The following STK35 variants were observed in gnomAD, a reference collection of about 807,000 sequenced individuals.
STK35 encodes serine/threonine kinase 35.
STK35 carries 17 observed loss-of-function variants against 37.3 expected under a neutral mutation model. That is an observed-to-expected ratio of 0.46 (90% confidence interval 0.31 to 0.68). The LOEUF is 0.68. Ranked by LOEUF, STK35 falls within the 30% of genes least tolerant of loss-of-function variation. The probability of loss-of-function intolerance (pLI) is 0.05; values close to 1 mark genes in which losing one functional copy is unlikely to be tolerated. For synonymous variants in STK35, 385 were observed against 319.1 expected (o/e 1.21, Z -2.20); for missense variants, 595 against 746.7 (o/e 0.80, Z 2.37).
At chr20:2,112,981 C>T (rs556892824) in intron 2 of STK35, among the ~76,000 whole-genome samples, 4 of 152,148 alleles carry the variant, frequency 2.6e-5, no homozygotes, top group African/African-American at 9.7e-5. Context: ...TGGGGAAATA[C>T]CCGCAGTTGT....
chr20:2,103,224 C>T lies in STK35; in HGVS notation c.751C>T (p.Leu251Phe). 1 of 1,612,536 alleles carries T rather than the reference C, an allele frequency of 6.2e-7. No individual in the cohort carries two copies. The change falls in exon 2 of 4, where the codon CTC (leucine) becomes TTC (phenylalanine). Residue 251 changes from leucine to phenylalanine, a missense_variant. Physicochemically the swap from Leu to Phe is conservative, Grantham distance 22. Transcript: ENST00000381482. ...GCTGGCGCTGGCTGAATTCTGGGCC[C>T]TCACCAGCCTCAAGCGGCGCCACCA... ...VELALAEFWA[L>F]TSLKRRHQNV...
At chr20:2,139,980 G>GACTATCATAGT (rs1986146852) in intron 3 of STK35, among the ~76,000 whole-genome samples, 1 of 152,232 alleles carries the variant, frequency 6.6e-6, no homozygotes, top group Non-Finnish European at 1.5e-5. Context: ...ACTGATTGAA[G>GACTATCATAGT]ACTATCATAG....
intron 3 of STK35, among the ~76,000 whole-genome samples, chr20:2,135,271 A>C (rs2122581600): frequency 6.6e-6 from 1 of 152,260 alleles, no homozygotes; most frequent in African/African-American, 2.4e-5. Flanking sequence ...CTTCCTCTGG[A>C]TACACTTAAG....
rs753792518 is a variant in STK35, at chr20:2,102,761, C to T, written c.295-7C>T. On this transcript the variant is annotated splice_polypyrimidine_tract_variant and splice_region_variant and intron_variant, in intron 1 of 3. Transcript: ENST00000381482. Reference sequence around the variant, plus strand: ...CCTGGCCGTTTAACCGATTCTTTCGCCCGCAGGTCACAATCCAAGGTCCGG... The same window carrying T: ...CCTGGCCGTTTAACCGATTCTTTCGTCCGCAGGTCACAATCCAAGGTCCGG... 13 of 1,426,736 alleles carry T rather than the reference C, an allele frequency of 9.1e-6. No individual in the cohort carries two copies. Among genetic ancestry groups the T allele is most frequent in the East Asian group, 9.1e-5 (3 of 33,118 alleles). The allele number at this position is 1,426,736 out of a possible 1,614,324, so 88.4% of individuals were successfully genotyped here. A position where few individuals can be genotyped will look rare whatever the true frequency, so the allele number is the denominator to read the frequency against.
At chr20:2,126,746 G>A (rs965998757) in intron 3 of STK35, among the ~76,000 whole-genome samples, 1 of 152,192 alleles carries the variant, frequency 6.6e-6, no homozygotes, top group African/African-American at 2.4e-5. Flanking sequence ...TGCCAACCAA[G>A]TTTAAAATAA....
chr20:2,142,935 A>T (rs964104226), intron 3 of STK35, among the ~76,000 whole-genome samples: 9 of 152,340 alleles, frequency 5.9e-5, no homozygotes, highest in Admixed American at 5.2e-4. Context: ...TAAGCCACTG[A>T]AGGGCAGGCT....
At chr20:2,118,653 G>A (rs1018217610) in intron 3 of STK35, among the ~76,000 whole-genome samples, 7 of 152,192 alleles carry the variant, frequency 4.6e-5, no homozygotes, top group Non-Finnish European at 8.8e-5. Flanking sequence ...CAACGTTTTG[G>A]TCAAAAAGGA....
intron 2 of STK35, among the ~76,000 whole-genome samples, chr20:2,108,387 G>A (rs943372852): frequency 6.6e-6 from 1 of 152,148 alleles, no homozygotes; most frequent in African/African-American, 2.4e-5. Context: ...GCGGGCGCCT[G>A]TAATCCCAGC....
chr20:2,135,468 A>G (rs1456935623), intron 3 of STK35, among the ~76,000 whole-genome samples: 4 of 152,236 alleles, frequency 2.6e-5, no homozygotes, highest in Non-Finnish European at 5.9e-5. Flanking sequence ...GCAGGACTTC[A>G]GCCAGGATTC....
At chr20:2,102,312 C>T in intron 1 of STK35, 137 bp downstream of exon 1, 23 of 1,202,140 alleles carry the variant, frequency 1.9e-5, no homozygotes, top group Non-Finnish European at 2.5e-5. Flanking sequence ...ATCCCTTCTA[C>T]CCGTCGCCCT....
chr20:2,111,802 C>T (rs1985624049), intron 2 of STK35, among the ~76,000 whole-genome samples: 1 of 152,212 alleles, frequency 6.6e-6, no homozygotes, highest in Non-Finnish European at 1.5e-5. Context: ...GGCACATCTA[C>T]AGAAACTCTT....
At chr20:2,106,773 T>C (rs573009455) in intron 2 of STK35, among the ~76,000 whole-genome samples, 1 of 152,354 alleles carries the variant, frequency 6.6e-6, no homozygotes, top group African/African-American at 2.4e-5. Flanking sequence ...TTAAATGCAT[T>C]GTCTCCTTCC....
At chr20:2,110,944 C>T (rs944039264) in intron 2 of STK35, among the ~76,000 whole-genome samples, 2 of 152,236 alleles carry the variant, frequency 1.3e-5, no homozygotes, top group South Asian at 2.1e-4. Context: ...GTTACTTAAT[C>T]TTTTGCTCCT....
Position 2,146,192 on chromosome 20 carries a change from C to T in STK35, c.*2446C>T, listed in dbSNP as rs1400357658. On this transcript the variant is annotated 3_prime_UTR_variant, in exon 4 of 4. Transcript: ENST00000381482. ...TACCCCTCCCCTGCTTTCTCAAACACTTGCCCACCTCAGGCACTCAGCGGG... is the reference window on the plus strand; with the variant it reads ...TACCCCTCCCCTGCTTTCTCAAACATTTGCCCACCTCAGGCACTCAGCGGG... The T allele has an allele frequency of 6.6e-6, 1 of 152,322 alleles. No homozygotes were observed. The highest frequency in any genetic ancestry group is 1.5e-5 in the Non-Finnish European group (1 of 68,096). The allele number at this position is 152,322 out of a possible 1,614,324, so 9.4% of individuals were successfully genotyped here.
At chr20:2,126,784 T>C (rs1210454209) in intron 3 of STK35, among the ~76,000 whole-genome samples, 1 of 152,210 alleles carries the variant, frequency 6.6e-6, no homozygotes, top group East Asian at 1.9e-4. Context: ...CTGCAATGAA[T>C]TTCCCAACTT....
chr20:2,103,127 G>A lies in STK35; in HGVS notation c.654G>A (p.Glu218=). The A allele has an allele frequency of 6.2e-7, 1 of 1,604,248 alleles. No individual in the cohort carries two copies. Among genetic ancestry groups the A allele is most frequent in the Non-Finnish European group, 8.5e-7 (1 of 1,179,212 alleles). Residue 218 remains glutamate, a synonymous_variant, in exon 2 of 4, where the codon GAG becomes GAA. Transcript: ENST00000381482. ...IGRGSYGVVY[E]AVAGRSGARV... ...GCGGCAGCTACGGCGTGGTTTATGA[G>A]GCAGTGGCCGGGCGCAGCGGGGCCC...
intron 3 of STK35, among the ~76,000 whole-genome samples, chr20:2,122,327 G>C (rs1217442676): frequency 6.6e-6 from 1 of 152,094 alleles, no homozygotes; most frequent in African/African-American, 2.4e-5. Context: ...GAGGGACTCT[G>C]TCTCAAAAAA....
rs2122595098 is a variant in STK35 at position 2,144,262 on chromosome 20, G to A, written c.*516G>A. 1 of 231,306 alleles carries A rather than the reference G, an allele frequency of 4.3e-6. No homozygotes were observed. Among genetic ancestry groups the A allele is most frequent in the Middle Eastern group, 1.8e-3 (1 of 550 alleles). 14.3% of individuals were successfully genotyped at this position (231,306 alleles called of 1,614,324 possible). A position where few individuals can be genotyped will look rare whatever the true frequency, so the allele number is the denominator to read the frequency against. On this transcript the variant is annotated 3_prime_UTR_variant, in exon 4 of 4. Coordinates refer to ENST00000381482, the MANE Select transcript of STK35 (RefSeq NM_080836.4). The stretch of plus-strand genomic sequence containing the variant: ...GGTTTCTTCTGGAACGGGGCGTGAG[G>A]ACACAAGGAGGCCTCTGGGCCACGC...
At chr20:2,123,917 C>G (rs140453965) in intron 3 of STK35, among the ~76,000 whole-genome samples, 1 of 152,078 alleles carries the variant, frequency 6.6e-6, no homozygotes, top group Admixed American at 6.6e-5. Flanking sequence ...AGGGCAGCAG[C>G]GCCAAAGATG....
Sources: allele counts gnomAD v4.1 joint callset (sites outside exome capture counted in the v4.1 genomes callset), GRCh38; gene constraint gnomAD v4.1.1; transcripts MANE v1.5; gene names NCBI Gene and HGNC (gene_info 2026-07-23, HGNC 2026-07-21).